MOXD1: variants seen among roughly 807,000 people sequenced by gnomAD.
The protein encoded by MOXD1 is monooxygenase DBH like 1.
In MOXD1, 62 loss-of-function variants were observed where a neutral mutation model predicts 66.6. That is an observed-to-expected ratio of 0.93 (90% CI 0.76 to 1.15). The LOEUF (loss-of-function observed/expected upper bound fraction) is 1.15, where lower values mean the gene tolerates loss of function less well. Ranked by LOEUF, MOXD1 falls within the 50% of genes most tolerant of loss-of-function variation. The probability of loss-of-function intolerance (pLI) is 0.00; values close to 1 mark genes in which losing one functional copy is unlikely to be tolerated. For missense variants in MOXD1, 847 were observed against 754.6 expected, an observed-to-expected ratio of 1.12 and a Z score of -1.44; for synonymous variants, 303 against 281.9, an observed-to-expected ratio of 1.07 and a Z score of -0.75.
At chr6:132,298,448 G>A (rs1348126054) in intron 10 of MOXD1, among the ~76,000 whole-genome samples, 2 of 152,126 alleles carry the variant, frequency 1.3e-5, no homozygotes, top group Non-Finnish European at 2.9e-5. Flanking sequence ...CAATGCTAAT[G>A]GTGTAATCAA....
chr6:132,401,210 C>A lies in MOXD1; in HGVS notation c.217G>T (p.Ala73Ser). 6.4e-7 allele frequency: 1 copy of A among 1,561,360 alleles called. No homozygotes were observed. The highest frequency in any genetic ancestry group is 1.2e-5 in the South Asian group (1 of 86,022). The change falls in exon 1 of 12, where the codon GCC becomes TCC. Residue 73 changes from alanine to serine, a missense_variant. Coordinates refer to ENST00000367963, the MANE Select transcript of MOXD1 (RefSeq NM_015529.4). Reference protein sequence around the residue: ...GFSPTGAMASADIVVGGVAHG... With the variant: ...GFSPTGAMASSDIVVGGVAHG... ...GCCACCCCGCCCACGACGATGTCGG[C>A]GGACGCCATGGCCCCGGTGGGCGAG...
At position 132,374,742 on chromosome 6, in the gene MOXD1, T is replaced by C. The variant is rs753366782; in HGVS notation, c.300A>G (p.Lys100=). The change falls in exon 2 of 12, where the codon AAA becomes AAG. Residue 100 remains lysine (K), a synonymous_variant. Coordinates refer to ENST00000367963, the MANE Select transcript of MOXD1 (RefSeq NM_015529.4). ...CTAGATGGTAATCTTGCTGAGCATC[T>C]TTTTTCAACTCTCTATTTGCATTTG... The part of the protein sequence containing the change: ...YFTNANRELK[K]DAQQDYHLEY... The C allele has an allele frequency of 6.2e-7, 1 of 1,613,704 alleles. No homozygotes were observed. The highest frequency in any genetic ancestry group is 8.5e-7 in the Non-Finnish European group (1 of 1,179,668).
chr6:132,336,474 C>G (rs779170239), intron 4 of MOXD1, among the ~76,000 whole-genome samples: 5 of 152,222 alleles, frequency 3.3e-5, no homozygotes, highest in Admixed American at 2.0e-4. Context: ...CCCTCTCTCT[C>G]CATGTCTCCT....
chr6:132,356,925 A>AC (rs1562292022), intron 4 of MOXD1, among the ~76,000 whole-genome samples: 1 of 152,082 alleles, frequency 6.6e-6, no homozygotes, highest in Admixed American at 6.5e-5. Context: ...GAAAGAGGGC[A>AC]CTACTACTTT....
intron 8 of MOXD1, 133 bp from the exon 9 acceptor site, chr6:132,320,821 CT>C (rs1259412536): frequency 1.3e-5 from 9 of 668,400 alleles, no homozygotes; most frequent in South Asian, 6.9e-5. Flanking sequence ...CAGAAGACCC[CT>C]GATCTGTTTA....
intron 4 of MOXD1, among the ~76,000 whole-genome samples, chr6:132,351,070 A>G (rs1775790744): frequency 6.6e-6 from 1 of 152,078 alleles, no homozygotes; most frequent in African/African-American, 2.4e-5. Context: ...TTCAAGGTAA[A>G]TGATATCAAC....
intron 9 of MOXD1, among the ~76,000 whole-genome samples, chr6:132,316,365 G>A (rs1259760163): frequency 1.3e-5 from 2 of 152,084 alleles, no homozygotes; most frequent in Non-Finnish European, 1.5e-5. Context: ...ATGGAGAAAA[G>A]TCAGTAGAAA....
intron 10 of MOXD1, among the ~76,000 whole-genome samples, chr6:132,311,570 C>T (rs1419466355): frequency 6.6e-6 from 1 of 151,684 alleles, no homozygotes; most frequent in East Asian, 1.9e-4. Context: ...CATTCGAGAC[C>T]CTCTTCATAA....
intron 1 of MOXD1, among the ~76,000 whole-genome samples, chr6:132,385,586 C>T (rs1295038564): frequency 6.6e-6 from 1 of 151,390 alleles, no homozygotes; most frequent in Non-Finnish European, 1.5e-5. Flanking sequence ...TGGGTTCAAG[C>T]GATTCTCATG....
chr6:132,329,487 G>C (rs1775270724), intron 4 of MOXD1, among the ~76,000 whole-genome samples: 1 of 151,720 alleles, frequency 6.6e-6, no homozygotes, highest in South Asian at 2.1e-4. Flanking sequence ...AAGAAGTCAA[G>C]GCTGTGGGCA....
intron 1 of MOXD1, among the ~76,000 whole-genome samples, chr6:132,394,135 C>G (rs1371412923): frequency 6.6e-6 from 1 of 152,128 alleles, no homozygotes; most frequent in African/African-American, 2.4e-5. Flanking sequence ...TAGTTCCCAG[C>G]AAAACTTCAC....
chr6:132,377,548 C>A (rs1411829889), intron 1 of MOXD1, among the ~76,000 whole-genome samples: 1 of 152,166 alleles, frequency 6.6e-6, no homozygotes, highest in Non-Finnish European at 1.5e-5. Context: ...GCTATTCCAC[C>A]TTTTTCTGGC....
chr6:132,315,336 G>A (rs1284230198), intron 10 of MOXD1, among the ~76,000 whole-genome samples: 1 of 152,178 alleles, frequency 6.6e-6, no homozygotes, highest in Admixed American at 6.6e-5. Flanking sequence ...TTTGCTTCAT[G>A]TAGCTTTTCC....
intron 1 of MOXD1, chr6:132,375,000 G>A (rs1481568001): frequency 2.8e-5 from 16 of 580,626 alleles, no homozygotes; most frequent in Non-Finnish European, 4.2e-5. Context: ...TGATAATATC[G>A]TAGAGCATCA....
chr6:132,386,208 C>T (rs1776632712), intron 1 of MOXD1, among the ~76,000 whole-genome samples: 1 of 146,248 alleles, frequency 6.8e-6, no homozygotes, highest in South Asian at 2.1e-4. Context: ...CAAGACCATC[C>T]TGGCTAACAC....
chr6:132,312,777 C>T (rs1280327185), intron 10 of MOXD1, among the ~76,000 whole-genome samples: 1 of 150,434 alleles, frequency 6.6e-6, no homozygotes, highest in Non-Finnish European at 1.5e-5. Flanking sequence ...GAGAGCCGAA[C>T]ATTTTTAGAG....
At chr6:132,333,367 G>A (rs1340167251) in intron 4 of MOXD1, among the ~76,000 whole-genome samples, 2 of 96,808 alleles carry the variant, frequency 2.1e-5, no homozygotes, top group Non-Finnish European at 3.5e-5. Flanking sequence ...TACTGACCCT[G>A]TAATGTATCA....
intron 10 of MOXD1, among the ~76,000 whole-genome samples, chr6:132,299,323 GCCTGGCTCACTA>G (rs1313420526): frequency 1.3e-5 from 2 of 152,098 alleles, no homozygotes; most frequent in Non-Finnish European, 2.9e-5. Context: ...CCTGTTGGGT[GCCTGGCTCACTA>G]CCTGGGTGAT....
At chr6:132,302,761 G>GA (rs1430554229) in intron 10 of MOXD1, among the ~76,000 whole-genome samples, 5 of 151,876 alleles carry the variant, frequency 3.3e-5, no homozygotes, top group East Asian at 1.9e-4. Context: ...ATAATTTTGG[G>GA]AAAAAATGAC....
Sources: gnomAD v4.1 joint callset for allele counts (sites outside exome capture counted in the v4.1 genomes callset) on GRCh38, gnomAD v4.1.1 for gene constraint, MANE v1.5 for transcripts, NCBI Gene and HGNC (gene_info 2026-07-23, HGNC 2026-07-21) for gene names.